The following PCDHGA7 variants were observed in gnomAD, a reference collection of about 807,000 sequenced individuals.
PCDHGA7 encodes protocadherin gamma-A7.
A neutral mutation model predicts 58.3 loss-of-function variants in PCDHGA7; 44 were observed. That is an observed-to-expected ratio of 0.75 (90% CI 0.59 to 0.97). The LOEUF is 0.97. Ranked by LOEUF, PCDHGA7 falls within the 50% of genes least tolerant of loss-of-function variation. The pLI, the probability that PCDHGA7 is intolerant of heterozygous loss-of-function variation, is 0.00. For synonymous variants in PCDHGA7, 516 were observed against 504.2 expected, an observed-to-expected ratio of 1.02 and a Z score of -0.31; for missense variants, 1,266 against 1,188.7, an observed-to-expected ratio of 1.06 and a Z score of -0.96.
chr5:141,428,563 G>A, intron 1 of PCDHGA7: 2 of 237,566 alleles, frequency 8.4e-6, no homozygotes, highest in East Asian at 1.1e-4. Flanking sequence ...CCCCCCACAA[G>A]ATCTTTCTAA....
rs1779689462 is a variant in PCDHGA7 at position 141,384,021 on chromosome 5, A to G, written c.1122A>G (p.Arg374=). 1 of 1,613,720 alleles carries G rather than the reference A, an allele frequency of 6.2e-7. No individual in the cohort carries two copies. Among genetic ancestry groups the G allele is most frequent in the African/African-American group, 1.3e-5 (1 of 75,050 alleles). ...TVIALFYLQD[R]DSGKNGEVTC... is the part of the protein sequence containing the mutation. Reference sequence around the variant, plus strand: ...TTGCTCTTTTCTACCTACAAGACAGAGATTCTGGAAAGAATGGTGAGGTGA... The same window carrying G: ...TTGCTCTTTTCTACCTACAAGACAGGGATTCTGGAAAGAATGGTGAGGTGA... Residue 374 remains arginine (R), a synonymous_variant, in exon 1 of 4, where the codon AGA becomes AGG. Coordinates refer to ENST00000518325, the MANE Select transcript of PCDHGA7 (RefSeq NM_018920.4).
Position 141,431,461 on chromosome 5 carries a change from T to C in PCDHGA7, c.2424+46138T>C, listed in dbSNP as rs1477501293. 1 of 1,613,800 alleles carries C rather than the reference T, an allele frequency of 6.2e-7. No individual in the cohort carries two copies. Among genetic ancestry groups the C allele is most frequent in the Admixed American group, 1.7e-5 (1 of 60,032 alleles). ...CGCGCATCCGCGTGATGGTTCTGGA[T>C]GCGAACGACAACGCACCAGCGTTTG... On this transcript the variant is annotated intron_variant, in intron 1 of 3. Transcript: ENST00000518325. The surrounding 1 kb of genome is among the most constrained non-coding windows in gnomAD (Gnocchi z 4.8).
chr5:141,494,386 T>G (rs2099753905), intron 1 of PCDHGA7, among the ~76,000 whole-genome samples: 1 of 152,198 alleles, frequency 6.6e-6, no homozygotes, highest in African/African-American at 2.4e-5. Context: ...GCTGAGGAGT[T>G]GAATAAATTC....
intron 1 of PCDHGA7, among the ~76,000 whole-genome samples, chr5:141,436,175 A>G (rs1263518258): frequency 1.3e-5 from 2 of 152,192 alleles, no homozygotes; most frequent in Non-Finnish European, 2.9e-5. Flanking sequence ...CAGTTCTCAT[A>G]TATAGTCAAA....
intron 1 of PCDHGA7, chr5:141,421,414 C>G: frequency 6.2e-7 from 1 of 1,614,066 alleles, no homozygotes; most frequent in Non-Finnish European, 8.5e-7. Flanking sequence ...GCTGGCGAAG[C>G]GCGGAGTCCG....
At chr5:141,427,637 C>T (rs771573587) in intron 1 of PCDHGA7, 5 of 707,806 alleles carry the variant, frequency 7.1e-6, no homozygotes, top group Non-Finnish European at 1.3e-5. Context: ...CGGTTTTCCA[C>T]CAAGTCTCCT....
intron 1 of PCDHGA7, chr5:141,422,772 C>A: frequency 6.2e-7 from 1 of 1,613,922 alleles, no homozygotes. Flanking sequence ...CTGGTGTTCT[C>A]TATGCCCTAC....
At chr5:141,463,682 G>A (rs62379195) in intron 1 of PCDHGA7, among the ~76,000 whole-genome samples, 7,165 of 151,926 alleles carry the variant, frequency 0.047, 241 homozygotes, top group Middle Eastern at 0.095. Context: ...GGATGACCTC[G>A]TGATCTGCTC....
At chr5:141,426,033 C>G (rs978171140) in intron 1 of PCDHGA7, among the ~76,000 whole-genome samples, 14 of 152,162 alleles carry the variant, frequency 9.2e-5, no homozygotes, top group African/African-American at 3.1e-4. Context: ...AGACTCAGAG[C>G]CCTGCTGTTG....
At chr5:141,480,698 C>T (rs1394538159) in intron 1 of PCDHGA7, among the ~76,000 whole-genome samples, 1 of 152,198 alleles carries the variant, frequency 6.6e-6, no homozygotes, top group Admixed American at 6.5e-5. Context: ...ACCCAGGCCA[C>T]ACCCCGACAA....
At position 141,390,009 on chromosome 5, in the gene PCDHGA7, A is replaced by G. The variant is rs200734314; in HGVS notation, c.2424+4686A>G. The G allele has an allele frequency of 4.0e-3, 6,510 of 1,613,890 alleles. 27 individuals carry two copies. Among genetic ancestry groups the G allele is most frequent in the Non-Finnish European group, 4.8e-3 (5,639 of 1,179,872 alleles). ...CTTCCTCGTGGCCATGATTCTGGCCATTGCCTTGCGCCTGCGACGCTCCTC... is the reference window on the plus strand; with the variant it reads ...CTTCCTCGTGGCCATGATTCTGGCCGTTGCCTTGCGCCTGCGACGCTCCTC... On this transcript the variant is annotated intron_variant, in intron 1 of 3. Coordinates refer to ENST00000518325, the MANE Select transcript of PCDHGA7 (RefSeq NM_018920.4).
intron 1 of PCDHGA7, chr5:141,415,216 A>C: frequency 6.2e-7 from 1 of 1,614,086 alleles, no homozygotes; most frequent in African/African-American, 1.3e-5. Flanking sequence ...GGACCTCGGC[A>C]GCTTCGAGTC....
rs369851570 is a variant in PCDHGA7, at chr5:141,408,393, G to T, written c.2424+23070G>T. 1.7e-5 allele frequency: 28 copies of T among 1,613,918 alleles called. No individual in the cohort carries two copies. In the Admixed American group the frequency reaches 2.2e-4, roughly 12 times the overall value. On this transcript the variant is annotated intron_variant, in intron 1 of 3. Coordinates refer to ENST00000518325, the MANE Select transcript of PCDHGA7 (RefSeq NM_018920.4). Reference sequence around the variant, plus strand: ...CTCAGTGTCCTGGATGTGTCGGCTCGCAAGCTGCGAGTGAGCGCGGAGAAG... The same window carrying T: ...CTCAGTGTCCTGGATGTGTCGGCTCTCAAGCTGCGAGTGAGCGCGGAGAAG...
At chr5:141,433,295 G>A (rs754784548) in intron 1 of PCDHGA7, 22 of 1,044,006 alleles carry the variant, frequency 2.1e-5, no homozygotes, top group Non-Finnish European at 2.9e-5. Flanking sequence ...CTAGGCTCAA[G>A]CAATTATCCC....
intron 1 of PCDHGA7, among the ~76,000 whole-genome samples, chr5:141,407,024 A>G (rs909800590): frequency 6.6e-6 from 1 of 152,232 alleles, no homozygotes; most frequent in Non-Finnish European, 1.5e-5. Context: ...TCAAAATTCT[A>G]TGCTAAACAT....
chr5:141,497,730 G>T (rs13182286), intron 2 of PCDHGA7, among the ~76,000 whole-genome samples: 247 of 152,136 alleles, frequency 1.6e-3, no homozygotes, highest in Non-Finnish European at 2.8e-3. Flanking sequence ...AGTAGAGATG[G>T]GTTTCGCCAC....
At chr5:141,465,644 A>G (rs1320011410) in intron 1 of PCDHGA7, among the ~76,000 whole-genome samples, 2 of 152,186 alleles carry the variant, frequency 1.3e-5, no homozygotes, top group African/African-American at 4.8e-5. Context: ...TGCTTTGAAC[A>G]TCCCAAAAAA....
At chr5:141,399,562 T>TTGAACGGCCAAGTCTCCTACTCTATCA in intron 1 of PCDHGA7, 1 of 1,614,016 alleles carries the variant, frequency 6.2e-7, no homozygotes, top group Non-Finnish European at 8.5e-7. Context: ...GGACTTGGGG[T>TTGAACGGCCAAGTCTCCTACTCTATCA]TGAACGGCCA....
Position 141,382,788 on chromosome 5 carries a change from ATCCT to A in PCDHGA7, c.-111_-108del. ...CAGGCTGCACTAAACTCAAGCCTCT[ATCCT>A]GCTGGATTCTGAGCTCCCCTTCCTA... On this transcript the variant is annotated 5_prime_UTR_variant, in exon 1 of 4. Coordinates refer to ENST00000518325, the MANE Select transcript of PCDHGA7 (RefSeq NM_018920.4). 1 of 917,668 alleles carries A rather than the reference ATCCT, an allele frequency of 1.1e-6. No individual in the cohort carries two copies. Among genetic ancestry groups the A allele is most frequent in the Non-Finnish European group, 1.7e-6 (1 of 602,700 alleles). The allele number at this position is 917,668 out of a possible 1,614,324, so 56.8% of individuals were successfully genotyped here. A position where few individuals can be genotyped will look rare whatever the true frequency, so the allele number is the denominator to read the frequency against.
Sources: allele counts gnomAD v4.1 joint callset (sites outside exome capture counted in the v4.1 genomes callset), GRCh38; gene constraint gnomAD v4.1.1; non-coding constraint Gnocchi (gnomAD v3.1); transcripts MANE v1.5; gene names NCBI Gene and HGNC (gene_info 2026-07-23, HGNC 2026-07-21).